PGR: variants seen among roughly 807,000 people sequenced by gnomAD.
The protein encoded by PGR is progesterone receptor.
PGR carries 25 observed loss-of-function variants against 76.1 expected under a neutral mutation model. The observed-to-expected ratio is 0.33, with a 90% CI of 0.24 to 0.46. PGR has a LOEUF of 0.46. PGR is among the 20% of genes least tolerant of loss of function. The pLI, the probability that PGR is intolerant of heterozygous loss-of-function variation, is 1.00. For synonymous variants in PGR, 579 were observed against 535.0 expected (o/e 1.08, Z -1.14); for missense variants, 1,172 against 1,225.3 (o/e 0.96, Z 0.65).
chr11:101,121,888 C>T (rs191832493), intron 2 of PGR, among the ~76,000 whole-genome samples: 134 of 152,096 alleles, frequency 8.8e-4, no homozygotes, highest in African/African-American at 3.0e-3. Flanking sequence ...GAGGACAGGC[C>T]AGGTGTGGTG....
intron 2 of PGR, among the ~76,000 whole-genome samples, chr11:101,099,481 C>T (rs182929575): frequency 2.0e-5 from 3 of 152,178 alleles, no homozygotes; most frequent in East Asian, 1.9e-4. Flanking sequence ...ATAATAACAT[C>T]GTTTCATTTA....
chr11:101,094,778 T>C (rs1014564824), intron 2 of PGR, among the ~76,000 whole-genome samples: 1 of 152,212 alleles, frequency 6.6e-6, no homozygotes, highest in Non-Finnish European at 1.5e-5. Context: ...CTTCTTGCTA[T>C]GGTTTGAATG....
At chr11:101,076,073 G>A (rs1861118790) in intron 3 of PGR, among the ~76,000 whole-genome samples, 1 of 152,150 alleles carries the variant, frequency 6.6e-6, no homozygotes, top group Non-Finnish European at 1.5e-5. Context: ...CAACCCAAAT[G>A]CCCATCAATG....
chr11:101,041,276 T>A (rs1859685964), intron 7 of PGR, among the ~76,000 whole-genome samples: 1 of 152,030 alleles, frequency 6.6e-6, no homozygotes, highest in Non-Finnish European at 1.5e-5. Flanking sequence ...AGTGGATAGC[T>A]TTTTTATGCC....
intron 3 of PGR, 82 bp downstream of exon 3, chr11:101,091,678 A>G: frequency 1.2e-6 from 1 of 812,126 alleles, no homozygotes; most frequent in South Asian, 1.4e-5. Flanking sequence ...ACAAAGATGA[A>G]TAAGAAATTG....
At chr11:101,121,612 G>A (rs1280733130) in intron 2 of PGR, among the ~76,000 whole-genome samples, 2 of 152,190 alleles carry the variant, frequency 1.3e-5, no homozygotes, top group Non-Finnish European at 2.9e-5. Flanking sequence ...ATCTGACAGA[G>A]GGGTCAATTC....
At chr11:101,087,749 AT>A (rs1026081363) in intron 3 of PGR, among the ~76,000 whole-genome samples, 3 of 151,992 alleles carry the variant, frequency 2.0e-5, no homozygotes, top group Non-Finnish European at 2.9e-5. Flanking sequence ...AAAAAAAAAA[AT>A]CTCACCAAAA....
In PGR at chr11:101,038,842, T is replaced by C. The variant is rs1459841826; in HGVS notation, c.*274A>G. The C allele has an allele frequency of 1.6e-5, 5 of 317,884 alleles. No individual in the cohort carries two copies. The highest frequency in any genetic ancestry group is 2.8e-5 in the Non-Finnish European group (5 of 175,444). 19.7% of individuals were successfully genotyped at this position (317,884 alleles called of 1,614,324 possible). Reference sequence around the variant, plus strand: ...CTCACCTACATGGTATGAAATAATATGGATAAGATAGTTTACTTTAACAAT... The same window carrying C: ...CTCACCTACATGGTATGAAATAATACGGATAAGATAGTTTACTTTAACAAT... On this transcript the variant is annotated 3_prime_UTR_variant, in exon 8 of 8. Coordinates refer to ENST00000325455, the MANE Select transcript of PGR (RefSeq NM_000926.4).
At chr11:101,098,223 TAAAATATCTTTATTAG>T (rs1591412167) in intron 2 of PGR, among the ~76,000 whole-genome samples, 4 of 152,082 alleles carry the variant, frequency 2.6e-5, no homozygotes, top group African/African-American at 4.8e-5. Flanking sequence ...TATTAGGAAA[TAAAATATCTTTATTAG>T]AAACAAGAAA....
At chr11:101,064,484 G>A (rs1021999029) in intron 3 of PGR, among the ~76,000 whole-genome samples, 2 of 151,930 alleles carry the variant, frequency 1.3e-5, no homozygotes, top group Non-Finnish European at 2.9e-5. Flanking sequence ...TGAGCTTTCT[G>A]GGGGAAGGAA....
At chr11:101,105,725 T>A (rs1862137003) in intron 2 of PGR, among the ~76,000 whole-genome samples, 1 of 152,146 alleles carries the variant, frequency 6.6e-6, no homozygotes, top group African/African-American at 2.4e-5. Context: ...TGGAAAAAGC[T>A]ACTTTAAACT....
intron 4 of PGR, among the ~76,000 whole-genome samples, chr11:101,059,640 C>A (rs1452727951): frequency 6.6e-6 from 1 of 151,646 alleles, no homozygotes; most frequent in Non-Finnish European, 1.5e-5. Context: ...TCAAGACCAG[C>A]CTGGGTAAAA....
intron 3 of PGR, among the ~76,000 whole-genome samples, chr11:101,071,739 T>A (rs773619511): frequency 6.6e-5 from 10 of 151,244 alleles, no homozygotes; most frequent in Admixed American, 5.9e-4. Flanking sequence ...AGATTGAAGA[T>A]CAACTGAATG....
chr11:101,078,718 C>T (rs559309698), intron 3 of PGR, among the ~76,000 whole-genome samples: 28 of 152,238 alleles, frequency 1.8e-4, no homozygotes, highest in Non-Finnish European at 3.1e-4. Context: ...AACATAGCCA[C>T]GGAAGCAGAT....
At chr11:101,116,046 A>G (rs1472219055) in intron 2 of PGR, among the ~76,000 whole-genome samples, 1 of 152,220 alleles carries the variant, frequency 6.6e-6, no homozygotes, top group African/African-American at 2.4e-5. Context: ...AGATTTCCTC[A>G]TGTGATTTCA....
intron 4 of PGR, among the ~76,000 whole-genome samples, chr11:101,060,701 C>CA (rs1248149221): frequency 5.9e-5 from 9 of 152,114 alleles, no homozygotes; most frequent in Non-Finnish European, 1.3e-4. Context: ...CCACAGGCCA[C>CA]AAGAGACTTT....
intron 2 of PGR, among the ~76,000 whole-genome samples, chr11:101,124,691 A>C (rs1439447340): frequency 6.6e-6 from 1 of 152,166 alleles, no homozygotes; most frequent in Non-Finnish European, 1.5e-5. Context: ...AACTCCAATT[A>C]CCCATTGGAA....
rs1341110266 is a variant in PGR at position 101,128,543 on chromosome 11, G to A, written c.528C>T (p.Ser176=). The A allele has an allele frequency of 3.1e-6, 5 of 1,599,104 alleles. No individual in the cohort carries two copies. Among genetic ancestry groups the A allele is most frequent in the Admixed American group, 3.4e-5 (2 of 58,930 alleles). The stretch of plus-strand genomic sequence containing the variant: ...GCACTTTATGGGCAGCTGCCGTCCC[G>A]GAGCTGTCTCCAACCTTGCACCCGG... ...SRSGCKVGDS[S]GTAAAHKVLP... The change falls in exon 1 of 8, where the codon TCC becomes TCT. Residue 176 remains serine (S), a synonymous_variant. Transcript: ENST00000325455.
At position 101,042,029 on chromosome 11, in the gene PGR, C is replaced by G. The variant is rs1201529063; in HGVS notation, c.2562G>C (p.Lys854Asn). ...CTCCTTTTTGCCTCAAACCAATTGC[C>G]TTGATGAGCTCTCTAATGTAGCTTG... ...MRSSYIRELI[K>N]AIGLRQKGVV... Residue 854 changes from lysine to asparagine, a missense_variant, in exon 7 of 8, where the codon AAG (lysine) becomes AAC (asparagine). Transcript: ENST00000325455. 1.9e-6 allele frequency: 3 copies of G among 1,613,396 alleles called. No homozygotes were observed. Among genetic ancestry groups the G allele is most frequent in the Non-Finnish European group, 8.5e-7 (1 of 1,179,640 alleles).
Sources: allele counts gnomAD v4.1 joint callset (sites outside exome capture counted in the v4.1 genomes callset), GRCh38; gene constraint gnomAD v4.1.1; transcripts MANE v1.5; gene names NCBI Gene and HGNC (gene_info 2026-07-23, HGNC 2026-07-21).